Variants in STPG2 observed in about 807,000 individuals in gnomAD.
STPG2 encodes sperm tail PG-rich repeat containing 2, also known as sperm-tail PG-rich repeat-containing protein 2.
In STPG2, 56 loss-of-function variants were observed where a neutral mutation model predicts 54.2. That is an observed-to-expected ratio of 1.03 (90% CI 0.83 to 1.29). The LOEUF is 1.29. Ranked by LOEUF, STPG2 falls within the 50% of genes most tolerant of loss-of-function variation. The pLI is 0.00. For synonymous variants in STPG2, 200 were observed against 181.8 expected, an observed-to-expected ratio of 1.10 and a Z score of -0.81; for missense variants, 596 against 544.9, an observed-to-expected ratio of 1.09 and a Z score of -0.93.
chr4:97,672,181 T>C (rs978505335), intron 10 of STPG2, among the ~76,000 whole-genome samples: 1 of 145,992 alleles, frequency 6.8e-6, no homozygotes, highest in African/African-American at 2.5e-5. Flanking sequence ...TTTTTTTTTT[T>C]TTTTTTTTTG....
At chr4:97,608,409 C>G (rs1327987428) in intron 10 of STPG2, among the ~76,000 whole-genome samples, 1 of 151,974 alleles carries the variant, frequency 6.6e-6, no homozygotes, top group Non-Finnish European at 1.5e-5. Flanking sequence ...GTGAGCTGAG[C>G]CCGTGTGAAG....
chr4:97,542,309 G>A (rs1378403353), intron 4 of STPG2, among the ~76,000 whole-genome samples: 1 of 152,146 alleles, frequency 6.6e-6, no homozygotes, highest in African/African-American at 2.4e-5. Flanking sequence ...AGTGGCAAAG[G>A]ATATGTACAG....
intron 8 of STPG2, among the ~76,000 whole-genome samples, chr4:97,907,571 G>C (rs909253381): frequency 2.0e-5 from 3 of 151,958 alleles, no homozygotes; most frequent in Non-Finnish European, 4.4e-5. Context: ...TCAATCCTAA[G>C]CCAAAAGAAC....
At chr4:97,769,223 T>C (rs1272338712) in intron 9 of STPG2, among the ~76,000 whole-genome samples, 1 of 152,108 alleles carries the variant, frequency 6.6e-6, no homozygotes, top group Non-Finnish European at 1.5e-5. Context: ...ACAAGGTAGC[T>C]TGCACTCTTC....
intron 9 of STPG2, among the ~76,000 whole-genome samples, chr4:97,761,398 C>T (rs165239): frequency 0.58 from 87,361 of 151,790 alleles, 25,665 homozygotes; most frequent in East Asian, 0.74. Context: ...GATTGATGCA[C>T]CTAGAAACAC....
intron 4 of STPG2, among the ~76,000 whole-genome samples, chr4:97,455,980 C>T (rs894651089): frequency 9.2e-5 from 14 of 152,142 alleles, no homozygotes; most frequent in South Asian, 2.1e-4. Flanking sequence ...GAATGTTTCC[C>T]GTGTCAATAT....
intron 8 of STPG2, among the ~76,000 whole-genome samples, chr4:97,915,722 T>C (rs1261182189): frequency 1.3e-5 from 2 of 151,734 alleles, no homozygotes; most frequent in Non-Finnish European, 2.9e-5. Flanking sequence ...CCCAGTGGAA[T>C]TGTGGACCAT....
chr4:97,889,841 A>G (rs1730703765), intron 8 of STPG2, among the ~76,000 whole-genome samples: 1 of 152,156 alleles, frequency 6.6e-6, no homozygotes, highest in Non-Finnish European at 1.5e-5. Flanking sequence ...TCAGTACGAA[A>G]ATGATAATAA....
intron 4 of STPG2, among the ~76,000 whole-genome samples, chr4:97,508,418 A>C (rs533676259): frequency 6.6e-6 from 1 of 152,224 alleles, no homozygotes; most frequent in East Asian, 1.9e-4. Flanking sequence ...GTTATTCACT[A>C]TCTTTGAATA....
At chr4:98,110,383 G>A (rs995018431) in intron 3 of STPG2, among the ~76,000 whole-genome samples, 3 of 152,108 alleles carry the variant, frequency 2.0e-5, no homozygotes, top group African/African-American at 4.8e-5. Flanking sequence ...CAAAATGGCC[G>A]TGTTTAACCA....
chr4:97,748,094 C>T (rs548630094), intron 9 of STPG2, among the ~76,000 whole-genome samples: 4 of 151,426 alleles, frequency 2.6e-5, no homozygotes, highest in South Asian at 2.1e-4. Flanking sequence ...TTCCTTGCTA[C>T]GGTGAAGTTA....
intron 10 of STPG2, among the ~76,000 whole-genome samples, chr4:97,566,617 G>C (rs1732453730): frequency 1.3e-5 from 2 of 152,090 alleles, no homozygotes. Flanking sequence ...CAACAGCAAA[G>C]ACTTGGAACC....
chr4:97,745,594 C>T (rs1443876550), intron 9 of STPG2, among the ~76,000 whole-genome samples: 3 of 150,968 alleles, frequency 2.0e-5, no homozygotes, highest in African/African-American at 7.3e-5. Flanking sequence ...AATTAATAGT[C>T]ATAAATAAAA....
intron 4 of STPG2, among the ~76,000 whole-genome samples, chr4:97,447,946 T>G (rs1160979995): frequency 6.6e-6 from 1 of 152,154 alleles, no homozygotes; most frequent in Non-Finnish European, 1.5e-5. Context: ...CTGCAGGCAC[T>G]CAACACCAGC....
intron 8 of STPG2, among the ~76,000 whole-genome samples, chr4:97,903,545 C>T (rs1731263169): frequency 6.6e-6 from 1 of 151,958 alleles, no homozygotes; most frequent in Non-Finnish European, 1.5e-5. Context: ...CACAAGACGG[C>T]TATTTTAAAA....
At chr4:97,791,595 T>C (rs1376632652) in intron 9 of STPG2, among the ~76,000 whole-genome samples, 1 of 152,110 alleles carries the variant, frequency 6.6e-6, no homozygotes, top group Non-Finnish European at 1.5e-5. Context: ...TTTTTACAAA[T>C]ATAGCAGTGT....
intron 3 of STPG2, among the ~76,000 whole-genome samples, chr4:98,114,759 T>TG (rs201052855): frequency 0.27 from 18,006 of 67,478 alleles, 1,165 homozygotes; most frequent in East Asian, 0.39. Context: ...ATCCATTTTT[T>TG]TTTTTTTGTG....
At chr4:98,104,162 T>G (rs10050008) in intron 5 of STPG2, among the ~76,000 whole-genome samples, 60,112 of 151,940 alleles carry the variant, frequency 0.4, 12,135 homozygotes, top group Middle Eastern at 0.46. Flanking sequence ...CATTTAGTTG[T>G]GTATATAACA....
intron 9 of STPG2, among the ~76,000 whole-genome samples, chr4:97,827,225 G>A (rs1204132078): frequency 6.7e-6 from 1 of 148,166 alleles, no homozygotes; most frequent in African/African-American, 2.5e-5. Flanking sequence ...AAACTTTTGA[G>A]CTATAGACAG....
Sources: allele counts gnomAD v4.1 joint callset (sites outside exome capture counted in the v4.1 genomes callset), GRCh38; gene constraint gnomAD v4.1.1; transcripts MANE v1.5; gene names NCBI Gene and HGNC (gene_info 2026-07-23, HGNC 2026-07-21).